The following RIT2 variants were observed in gnomAD, a reference collection of about 807,000 sequenced individuals.
RIT2 encodes the protein GTP-binding protein Rit2.
Under a neutral mutation model 23.7 loss-of-function variants are expected in RIT2, and 24 were observed. The ratio of observed to expected loss-of-function variants is 1.01; its 90% CI spans 0.73 to 1.43. The LOEUF (loss-of-function observed/expected upper bound fraction) is 1.43. RIT2 is among the 40% of genes most tolerant of loss of function. RIT2 has a pLI of 0.00. For missense variants in RIT2, 236 were observed against 266.9 expected (o/e 0.88, Z 0.81); for synonymous variants, 107 against 91.1 (o/e 1.17, Z -0.99).
At position 42,743,595 on chromosome 18, in the gene RIT2, C is replaced by T; in HGVS notation, c.552G>A (p.Lys184=). Residue 184 remains lysine (K), a synonymous_variant, in exon 5 of 5, where the codon AAG becomes AAA. Transcript: ENST00000326695. The part of the protein sequence containing the change: ...FHGLVREIRK[K]ESMPSLMEKK... ...TTTCCATCAAGGATGGCATGGACTC[C>T]TTCTTGCGAATTTCCCTCACTAAGC... 1 of 1,613,994 alleles carries T rather than the reference C, an allele frequency of 6.2e-7. No homozygotes were observed. Among genetic ancestry groups the T allele is most frequent in the Non-Finnish European group, 8.5e-7 (1 of 1,179,928 alleles).
intron 4 of RIT2, among the ~76,000 whole-genome samples, chr18:42,906,005 TAC>T (rs1568026793): frequency 0.11 from 197 of 1,816 alleles, 1 homozygote; most frequent in African/African-American, 0.27. Context: ...TATATATATA[TAC>T]ATATATATAT....
chr18:42,855,715 T>C (rs1907162844), intron 4 of RIT2, among the ~76,000 whole-genome samples: 1 of 152,208 alleles, frequency 6.6e-6, no homozygotes, highest in Non-Finnish European at 1.5e-5. Flanking sequence ...TAGATAATAG[T>C]TACAGAATGT....
intron 1 of RIT2, among the ~76,000 whole-genome samples, chr18:43,052,130 A>G (rs1912398270): frequency 6.6e-6 from 1 of 152,172 alleles, no homozygotes; most frequent in Non-Finnish European, 1.5e-5. Context: ...TCATCTATTC[A>G]ACAGTGGCTA....
At chr18:43,056,041 C>T (rs1440664149) in intron 1 of RIT2, among the ~76,000 whole-genome samples, 2 of 151,982 alleles carry the variant, frequency 1.3e-5, no homozygotes, top group Non-Finnish European at 2.9e-5. Flanking sequence ...GGATAATCTA[C>T]ATGAGAAGGT....
intron 4 of RIT2, among the ~76,000 whole-genome samples, chr18:42,806,890 A>C (rs897838538): frequency 6.6e-6 from 1 of 152,250 alleles, no homozygotes; most frequent in Admixed American, 6.5e-5. Flanking sequence ...AAAATTCAGG[A>C]GAGTAAATTA....
chr18:42,910,186 C>T (rs188331428), intron 4 of RIT2, among the ~76,000 whole-genome samples: 141 of 151,962 alleles, frequency 9.3e-4, no homozygotes, highest in African/African-American at 3.0e-3. Context: ...AAACAATGGC[C>T]AATTGAGAAA....
chr18:42,984,513 T>C (rs1176720994), intron 2 of RIT2, among the ~76,000 whole-genome samples: 2 of 152,072 alleles, frequency 1.3e-5, no homozygotes, highest in Non-Finnish European at 2.9e-5. Context: ...GACACTTCGT[T>C]ACAATTTTCA....
At position 42,923,592 on chromosome 18, in the gene RIT2, C is replaced by T; in HGVS notation, c.406G>A (p.Asp136Asn). 1 of 1,613,248 alleles carries T rather than the reference C, an allele frequency of 6.2e-7. No individual in the cohort carries two copies. Among genetic ancestry groups the T allele is most frequent in the Non-Finnish European group, 8.5e-7 (1 of 1,179,508 alleles). The change falls in exon 4 of 5, where the codon GAT becomes AAT. Residue 136 changes from aspartate (D) to asparagine (N), a missense_variant. Transcript: ENST00000326695. ...IPLVLVGNKI[D>N]LEQFRQVSTE... ...CTCACCTGGCGGAACTGTTCCAGAT[C>T]AATTTTGTTACCCACCAGCACCAGG...
intron 2 of RIT2, among the ~76,000 whole-genome samples, chr18:42,987,201 T>C (rs1910731563): frequency 6.6e-6 from 1 of 152,206 alleles, no homozygotes; most frequent in African/African-American, 2.4e-5. Context: ...TACACACACA[T>C]GTATCATGGT....
intron 4 of RIT2, among the ~76,000 whole-genome samples, chr18:42,892,358 A>T (rs1394397519): frequency 1.3e-5 from 2 of 152,208 alleles, no homozygotes; most frequent in African/African-American, 4.8e-5. Flanking sequence ...GTTCTCATGA[A>T]TTAATGTATT....
At chr18:42,879,306 A>G (rs531998159) in intron 4 of RIT2, among the ~76,000 whole-genome samples, 1 of 152,280 alleles carries the variant, frequency 6.6e-6, no homozygotes, top group Admixed American at 6.5e-5. Context: ...TATCTTCCAA[A>G]AATTTGATAA....
rs182286013 is a variant in RIT2, at chr18:42,969,510, G to A, written c.234+4564C>T. On this transcript the variant is annotated intron_variant, in intron 3 of 4. Coordinates refer to ENST00000326695, the MANE Select transcript of RIT2 (RefSeq NM_002930.4). ...ATTTCACAGATGAGTAAACTAGGTC[G>A]AGATTGGCTACAGGACTTGCTTGAC... 2.3e-3 allele frequency among the ~76,000 whole-genome samples: 353 copies of A among 152,064 alleles called. 2 individuals carry two copies. The highest frequency in any genetic ancestry group is 8.3e-3 in the African/African-American group (344 of 41,490).
intron 1 of RIT2, among the ~76,000 whole-genome samples, chr18:43,112,603 T>C (rs973348138): frequency 2.0e-5 from 3 of 152,156 alleles, no homozygotes; most frequent in Admixed American, 6.5e-5. Context: ...TGGTAAAACA[T>C]GGACAAAAAC....
At chr18:42,782,142 TAAGAGTCTGG>T (rs1187543562) in intron 4 of RIT2, among the ~76,000 whole-genome samples, 5 of 152,274 alleles carry the variant, frequency 3.3e-5, no homozygotes, top group Middle Eastern at 3.4e-3. Context: ...GGATCAGCCT[TAAGAGTCTGG>T]AAGACAGCTA....
At chr18:42,760,284 C>T (rs773294749) in intron 4 of RIT2, among the ~76,000 whole-genome samples, 4 of 152,196 alleles carry the variant, frequency 2.6e-5, no homozygotes, top group East Asian at 1.9e-4. Flanking sequence ...GATCATTCTT[C>T]AGGTGAACAA....
intron 4 of RIT2, among the ~76,000 whole-genome samples, chr18:42,753,240 C>T (rs1913088417): frequency 6.6e-6 from 1 of 152,172 alleles, no homozygotes; most frequent in Non-Finnish European, 1.5e-5. Context: ...TAGCTCTCTG[C>T]ATATTTTTAT....
chr18:42,908,715 C>T (rs1488863035), intron 4 of RIT2, among the ~76,000 whole-genome samples: 1 of 152,042 alleles, frequency 6.6e-6, no homozygotes. Flanking sequence ...AAGACATTCT[C>T]AGTTGAAGGG....
intron 4 of RIT2, among the ~76,000 whole-genome samples, chr18:42,774,553 G>C (rs1913623818): frequency 6.7e-6 from 1 of 150,132 alleles, no homozygotes; most frequent in Admixed American, 6.6e-5. Context: ...ATGTGACACA[G>C]AGAAATCAGG....
rs144043317 is a variant in RIT2, at chr18:42,944,436, C to G, written c.235-20673G>C. Among the ~76,000 whole-genome samples the G allele has an allele frequency of 7.2e-5, 11 of 152,154 alleles. No individual in the cohort carries two copies. The East Asian group carries it at 1.9e-3, about 27-fold the overall frequency. ...GTTTCCTATATTTGCAGCAATGTCC[C>G]CTAGCCTGAGGCATGCCTGGCACAG... On this transcript the variant is annotated intron_variant, in intron 3 of 4. Coordinates refer to ENST00000326695, the MANE Select transcript of RIT2 (RefSeq NM_002930.4).
Sources: gnomAD v4.1 joint callset for allele counts (sites outside exome capture counted in the v4.1 genomes callset) on GRCh38, gnomAD v4.1.1 for gene constraint, MANE v1.5 for transcripts, NCBI Gene and HGNC (gene_info 2026-07-23, HGNC 2026-07-21) for gene names.